The following SLC6A2 variants were observed in gnomAD, a reference collection of about 807,000 sequenced individuals.
The protein encoded by SLC6A2 is solute carrier family 6 member 2.
Under a neutral mutation model 71.7 loss-of-function variants are expected in SLC6A2, and 26 were observed. The ratio of observed to expected loss-of-function variants is 0.36; its 90% CI spans 0.27 to 0.50. The LOEUF (loss-of-function observed/expected upper bound fraction) is 0.50, where lower values mean the gene tolerates loss of function less well. Ranked by LOEUF, SLC6A2 falls within the 20% of genes least tolerant of loss-of-function variation. SLC6A2 has a pLI of 0.96. For synonymous variants in SLC6A2, 363 were observed against 337.9 expected (o/e 1.07, Z -0.82); for missense variants, 581 against 803.9 (o/e 0.72, Z 3.35).
At chr16:55,685,097 T>C (rs1420246215) in intron 4 of SLC6A2, 46 bp from the exon 5 acceptor site, 2 of 1,601,988 alleles carry the variant, frequency 1.2e-6, no homozygotes, top group Non-Finnish European at 1.7e-6. Context: ...TCTGTCGTCC[T>C]CCCTGACGAC....
At chr16:55,671,617 C>G in intron 3 of SLC6A2, 1 of 526,110 alleles carries the variant, frequency 1.9e-6, no homozygotes, top group Non-Finnish European at 3.3e-6. Flanking sequence ...AGCCGCTGCA[C>G]TAGATTCTCA....
intron 4 of SLC6A2, among the ~76,000 whole-genome samples, chr16:55,682,928 G>C (rs40147): frequency 2.6e-5 from 4 of 152,026 alleles, no homozygotes; most frequent in African/African-American, 7.2e-5. Flanking sequence ...CCCATGCTAC[G>C]ATACAAGCCC....
chr16:55,698,096 T>G, intron 10 of SLC6A2, 71 bp downstream of exon 10: 1 of 1,526,094 alleles, frequency 6.6e-7, no homozygotes, highest in Non-Finnish European at 9.1e-7. Context: ...CAAACATTCC[T>G]AGCCTTAGAA....
At chr16:55,695,998 C>T (rs1597010050) in intron 8 of SLC6A2, among the ~76,000 whole-genome samples, 1 of 152,152 alleles carries the variant, frequency 6.6e-6, no homozygotes, top group African/African-American at 2.4e-5. Flanking sequence ...AGCATGTAGC[C>T]TGTAGCTGTC....
chr16:55,702,231 C>A, intron 14 of SLC6A2, 92 bp from the exon 15 acceptor site: 1 of 1,248,332 alleles, frequency 8.0e-7, no homozygotes, highest in Non-Finnish European at 1.2e-6. Flanking sequence ...TGTTTTTCTG[C>A]CTTCTCTCTA....
intron 5 of SLC6A2, among the ~76,000 whole-genome samples, chr16:55,690,053 TCATCCATC>T (rs748486956): frequency 2.6e-5 from 4 of 152,054 alleles, no homozygotes; most frequent in African/African-American, 9.7e-5. Context: ...ACCCACTCAT[TCATCCATC>T]CATCCATCCA....
At chr16:55,685,394 C>A in intron 5 of SLC6A2, 113 bp downstream of exon 5, 1 of 1,170,210 alleles carries the variant, frequency 8.5e-7, no homozygotes, top group African/African-American at 1.5e-5. Context: ...GCTGGAAGTG[C>A]AAGGCCTGGG....
rs115236113 is a variant in SLC6A2 at position 55,657,685 on chromosome 16, G to A, written c.274+717G>A. Among the ~76,000 whole-genome samples, 1,457 of 152,250 alleles carry A rather than the reference G, an allele frequency of 9.6e-3. 30 individuals carry two copies. Among genetic ancestry groups the A allele is most frequent in the African/African-American group, 0.033 (1,377 of 41,560 alleles). ...ACCTCTACCTCCTCAAGTTCTAGCC[G>A]CATTGCAGGGAGGAGTGGGAGAGGG... On this transcript the variant is annotated intron_variant, in intron 2 of 14. Coordinates refer to ENST00000568943, the MANE Select transcript of SLC6A2 (RefSeq NM_001172501.3).
rs142650899 is a variant in SLC6A2 at position 55,690,212 on chromosome 16, A to T, written c.784-1706A>T. Among the ~76,000 whole-genome samples the T allele has an allele frequency of 4.0e-3, 612 of 152,278 alleles. 6 individuals are homozygous for T. In the South Asian group the frequency reaches 0.081, roughly 20 times the overall value. ...ATCTACACCACTGCCCAGTCCAATC[A>T]TTCGTACAATAAACATTTATTTGGA... On this transcript the variant is annotated intron_variant, in intron 5 of 14. Transcript: ENST00000568943.
chr16:55,673,562 T>C (rs1306624113), intron 4 of SLC6A2, among the ~76,000 whole-genome samples: 1 of 149,824 alleles, frequency 6.7e-6, no homozygotes, highest in Non-Finnish European at 1.5e-5. Context: ...TCTATTTTAT[T>C]TTATTTTTTT....
chr16:55,688,317 G>C (rs1211397592), intron 5 of SLC6A2, among the ~76,000 whole-genome samples: 2 of 152,176 alleles, frequency 1.3e-5, no homozygotes, highest in African/African-American at 2.4e-5. Flanking sequence ...GTCCTGGCTT[G>C]CTTTAGTGAC....
chr16:55,662,507 A>T (rs190690963), intron 2 of SLC6A2, among the ~76,000 whole-genome samples: 2 of 152,076 alleles, frequency 1.3e-5, no homozygotes, highest in East Asian at 3.9e-4. Flanking sequence ...CAAATGGGGG[A>T]GGTGAGGTCC....
chr16:55,679,822 G>C (rs1041995729), intron 4 of SLC6A2, among the ~76,000 whole-genome samples: 2 of 152,162 alleles, frequency 1.3e-5, no homozygotes, highest in Non-Finnish European at 1.5e-5. Flanking sequence ...AACTTGGCAC[G>C]GGATGGACTG....
chr16:55,687,562 CACT>C (rs199667621), intron 5 of SLC6A2, among the ~76,000 whole-genome samples: 33,740 of 152,056 alleles, frequency 0.22, 4,230 homozygotes, highest in African/African-American at 0.33. Flanking sequence ...CCTTGTCTAG[CACT>C]CTCTGTGCCT....
intron 9 of SLC6A2, among the ~76,000 whole-genome samples, chr16:55,697,393 C>CTA (rs1356472438): frequency 6.6e-6 from 1 of 152,050 alleles, no homozygotes. Context: ...GATATGAGAC[C>CTA]CTTTCAGACT....
Position 55,696,221 on chromosome 16 carries a change from A to G in SLC6A2, c.1148-4A>G. 1.3e-6 allele frequency: 2 copies of G among 1,573,432 alleles called. No homozygotes were observed. The highest frequency in any genetic ancestry group is 1.7e-6 in the Non-Finnish European group (2 of 1,142,998). On this transcript the variant is annotated splice_polypyrimidine_tract_variant and splice_region_variant and intron_variant, in intron 8 of 14. Transcript: ENST00000568943. ...ATTGATGAGGTCCTTGATGTTTCTT[A>G]CAGGAGCTGGCCTAGTGTTCATCCT... is the stretch of plus-strand genomic sequence containing the variant.
chr16:55,664,609 C>T (rs75608280), intron 2 of SLC6A2, among the ~76,000 whole-genome samples: 4,658 of 152,284 alleles, frequency 0.031, 122 homozygotes, highest in Non-Finnish European at 0.048. Context: ...GTCCCATTTA[C>T]GGAGCACCCA....
chr16:55,704,170 TTTTGTTTGTTTG>T lies in SLC6A2; in HGVS notation c.*1838_*1849del, dbSNP rs144739262. ...TTTTCTTTTCGTTTTTTGTTTTTGT[TTTTGTTTGTTTG>T]TTTGTTTGTTTGTAATAAAGCACTT... On this transcript the variant is annotated 3_prime_UTR_variant, in exon 15 of 15. Coordinates refer to ENST00000568943, the MANE Select transcript of SLC6A2 (RefSeq NM_001172501.3). The T allele has an allele frequency of 6.6e-6, 1 of 152,096 alleles. No individual in the cohort carries two copies. Among genetic ancestry groups the T allele is most frequent in the Non-Finnish European group, 1.5e-5 (1 of 68,116 alleles). The allele number at this position is 152,096 out of a possible 1,614,324, so 9.4% of individuals were successfully genotyped here. A position where few individuals can be genotyped will look rare whatever the true frequency, so the allele number is the denominator to read the frequency against.
chr16:55,656,655 G>A lies in SLC6A2; in HGVS notation c.-40G>A, dbSNP rs1964457289. On this transcript the variant is annotated 5_prime_UTR_variant, in exon 2 of 15. Coordinates refer to ENST00000568943, the MANE Select transcript of SLC6A2 (RefSeq NM_001172501.3). This position sits in a 1 kb window ranked among gnomAD's most constrained non-coding sequence, Gnocchi z 4.5. ...CTTTATCCAAGCAGAGCCTCGGCGT[G>A]CCCCCAGGACCGGTAAAGTTCCTCT... is the stretch of plus-strand genomic sequence containing the variant. 1.2e-6 allele frequency: 2 copies of A among 1,610,240 alleles called. No homozygotes were observed. Among genetic ancestry groups the A allele is most frequent in the East Asian group, 4.5e-5 (2 of 44,814 alleles).
Sources: allele counts gnomAD v4.1 joint callset (sites outside exome capture counted in the v4.1 genomes callset), GRCh38; gene constraint gnomAD v4.1.1; non-coding constraint Gnocchi (gnomAD v3.1); transcripts MANE v1.5; gene names NCBI Gene and HGNC (gene_info 2026-07-23, HGNC 2026-07-21).